Variants in ADAMTSL3 observed in about 807,000 individuals in gnomAD.
ADAMTSL3 encodes the protein ADAMTS-like protein 3.
ADAMTSL3 carries 128 observed loss-of-function variants against 201.7 expected under a neutral mutation model. The observed-to-expected ratio is 0.63, with a 90% CI of 0.55 to 0.73. ADAMTSL3 has a LOEUF of 0.73. Ranked by LOEUF, ADAMTSL3 falls within the 30% of genes least tolerant of loss-of-function variation. ADAMTSL3 has a pLI of 0.00. For synonymous variants in ADAMTSL3, 738 were observed against 748.4 expected (o/e 0.99, Z 0.23); for missense variants, 1,990 against 2,119.6 (o/e 0.94, Z 1.20).
At chr15:83,808,271 A>C (rs1206940721) in intron 5 of ADAMTSL3, among the ~76,000 whole-genome samples, 1 of 152,212 alleles carries the variant, frequency 6.6e-6, no homozygotes, top group Non-Finnish European at 1.5e-5. Context: ...GAATTCAAAC[A>C]ACTCAATAGC....
Position 83,892,665 on chromosome 15 carries a change from T to G in ADAMTSL3, c.1263-19T>G, listed in dbSNP as rs756807195. 2 of 1,590,326 alleles carry G rather than the reference T, an allele frequency of 1.3e-6. No homozygotes were observed. The highest frequency in any genetic ancestry group is 1.7e-5 in the Admixed American group (1 of 57,434). On this transcript the variant is annotated intron_variant, in intron 12 of 29. Coordinates refer to ENST00000286744, the MANE Select transcript of ADAMTSL3 (RefSeq NM_207517.3). Reference sequence around the variant, plus strand: ...CAAACAACAAATAAATAATATAATTTTATTTGTTTGCTTTTGAGCTGGGAA... The same window carrying G: ...CAAACAACAAATAAATAATATAATTGTATTTGTTTGCTTTTGAGCTGGGAA...
chr15:83,696,872 T>G (rs2061694370), intron 2 of ADAMTSL3, among the ~76,000 whole-genome samples: 1 of 152,094 alleles, frequency 6.6e-6, no homozygotes, highest in Non-Finnish European at 1.5e-5. Flanking sequence ...AGATGCCAAA[T>G]CTAAAGAGAA....
intron 2 of ADAMTSL3, among the ~76,000 whole-genome samples, chr15:83,692,351 C>A (rs1199356538): frequency 6.6e-6 from 1 of 151,822 alleles, no homozygotes; most frequent in East Asian, 1.9e-4. Flanking sequence ...AACAAAGACA[C>A]CCTGACTCTA....
chr15:83,696,738 T>G (rs1431585355), intron 2 of ADAMTSL3, among the ~76,000 whole-genome samples: 1 of 152,190 alleles, frequency 6.6e-6, no homozygotes, highest in Non-Finnish European at 1.5e-5. Context: ...CTATTCCTGT[T>G]CAGTGTTTGT....
intron 5 of ADAMTSL3, among the ~76,000 whole-genome samples, chr15:83,815,143 T>G (rs2063753083): frequency 6.6e-6 from 1 of 152,200 alleles, no homozygotes; most frequent in African/African-American, 2.4e-5. Flanking sequence ...CTTCCCAGAC[T>G]GGCTACCTGC....
intron 7 of ADAMTSL3, among the ~76,000 whole-genome samples, chr15:83,845,696 TG>T (rs1295100550): frequency 2.0e-5 from 3 of 152,206 alleles, no homozygotes; most frequent in African/African-American, 7.2e-5. Flanking sequence ...GGAACTTATA[TG>T]AAGCAATTTT....
At chr15:83,851,503 A>C (rs2064612515) in intron 7 of ADAMTSL3, among the ~76,000 whole-genome samples, 1 of 152,228 alleles carries the variant, frequency 6.6e-6, no homozygotes, top group East Asian at 1.9e-4. Context: ...TACATTCACA[A>C]AGATTTTGCA....
chr15:83,849,327 A>G (rs1040114141), intron 7 of ADAMTSL3, among the ~76,000 whole-genome samples: 11 of 152,046 alleles, frequency 7.2e-5, no homozygotes, highest in African/African-American at 2.7e-4. Context: ...AGGTCTCACT[A>G]TGTTGCCCAG....
chr15:83,828,152 T>C (rs1438141471), intron 6 of ADAMTSL3, among the ~76,000 whole-genome samples: 1 of 152,196 alleles, frequency 6.6e-6, no homozygotes, highest in African/African-American at 2.4e-5. Context: ...ATTCTTCCTA[T>C]CCATGAGCAT....
In ADAMTSL3 at chr15:83,988,628, C is replaced by CAA. The variant is rs1446127940; in HGVS notation, c.3717-62_3717-61insAA. ...GGTGCAGTCTTCTTTCTCTGCAACTCACTGTAGCCCTAGGTCAGTTAAATT... is the reference window on the plus strand; with the variant it reads ...GGTGCAGTCTTCTTTCTCTGCAACTCAAACTGTAGCCCTAGGTCAGTTAAATT... On this transcript the variant is annotated intron_variant, in intron 21 of 29. Transcript: ENST00000286744. The CAA allele has an allele frequency of 2.9e-6, 4 of 1,396,276 alleles. No individual in the cohort carries two copies. The East Asian group carries it at 1.0e-4, about 35-fold the overall frequency. 86.5% of individuals were successfully genotyped at this position (1,396,276 alleles called of 1,614,324 possible). A position where few individuals can be genotyped will look rare whatever the true frequency, so the allele number is the denominator to read the frequency against.
At chr15:84,013,843 C>A (rs903828450) in intron 23 of ADAMTSL3, among the ~76,000 whole-genome samples, 1 of 152,156 alleles carries the variant, frequency 6.6e-6, no homozygotes, top group African/African-American at 2.4e-5. Context: ...ATTCCAAAGC[C>A]CAGCAAAATG....
At chr15:83,791,547 T>A (rs1249759332) in intron 4 of ADAMTSL3, among the ~76,000 whole-genome samples, 1 of 152,108 alleles carries the variant, frequency 6.6e-6, no homozygotes, top group Admixed American at 6.5e-5. Flanking sequence ...AGAATGAAAT[T>A]ATTTCATACC....
At chr15:83,910,781 T>C (rs2095126722) in intron 15 of ADAMTSL3, among the ~76,000 whole-genome samples, 1 of 151,684 alleles carries the variant, frequency 6.6e-6, no homozygotes, top group Non-Finnish European at 1.5e-5. Context: ...ATTACAGGCA[T>C]GCACCACCAT....
At chr15:83,787,308 A>G (rs2063280329) in intron 4 of ADAMTSL3, among the ~76,000 whole-genome samples, 5 of 152,182 alleles carry the variant, frequency 3.3e-5, no homozygotes, top group African/African-American at 4.8e-5. Flanking sequence ...TCATCTCTTT[A>G]TGCTGTGCCC....
At chr15:83,833,989 C>T (rs1025418420) in intron 6 of ADAMTSL3, among the ~76,000 whole-genome samples, 3 of 152,158 alleles carry the variant, frequency 2.0e-5, no homozygotes, top group African/African-American at 7.2e-5. Context: ...GTGCTTTATC[C>T]ATTAATGGTT....
In ADAMTSL3 at chr15:83,950,584, C is replaced by T. The variant is rs1165374378; in HGVS notation, c.2490+7502C>T. Among the ~76,000 whole-genome samples, 5 of 151,840 alleles carry T rather than the reference C, an allele frequency of 3.3e-5. No homozygotes were observed. The East Asian group carries it at 7.7e-4, about 23-fold the overall frequency. ...TAGGGATTGCATTGAATCTGTAGAT[C>T]GCTTTGGGTAGTATGGACATTGCAA... is the stretch of plus-strand genomic sequence containing the variant. On this transcript the variant is annotated intron_variant, in intron 19 of 29. Transcript: ENST00000286744.
Position 83,982,438 on chromosome 15 carries a change from G to T in ADAMTSL3, c.2810G>T (p.Arg937Leu). The T allele has an allele frequency of 3.7e-6, 6 of 1,614,136 alleles. No homozygotes were observed. Among genetic ancestry groups the T allele is most frequent in the Non-Finnish European group, 4.2e-6 (5 of 1,180,026 alleles). The change falls in exon 21 of 30, where the codon CGA (arginine) becomes CTA (leucine). Residue 937 changes from arginine to leucine, a missense_variant. By Grantham distance (102) the Arg-to-Leu change is moderately radical. Transcript: ENST00000286744. ...TCCGTGATTATTAAGTGCCCCGTGC[G>T]ACGATTCCAGAAATCTCTGATCCAG... Reference protein sequence around the residue: ...NTSVIIKCPVRRFQKSLIQWE... With the variant: ...NTSVIIKCPVLRFQKSLIQWE...
intron 19 of ADAMTSL3, among the ~76,000 whole-genome samples, chr15:83,960,657 T>G (rs1346273786): frequency 1.3e-5 from 2 of 152,136 alleles, no homozygotes; most frequent in Non-Finnish European, 2.9e-5. Flanking sequence ...AATTGTTGGA[T>G]TATTACACAG....
chr15:83,993,334 G>T (rs1258868070), intron 23 of ADAMTSL3, among the ~76,000 whole-genome samples: 1 of 152,154 alleles, frequency 6.6e-6, no homozygotes, highest in Non-Finnish European at 1.5e-5. Flanking sequence ...AGAGACTGTG[G>T]TTATCATCCA....
Sources: allele counts gnomAD v4.1 joint callset (sites outside exome capture counted in the v4.1 genomes callset), GRCh38; gene constraint gnomAD v4.1.1; transcripts MANE v1.5; gene names NCBI Gene and HGNC (gene_info 2026-07-23, HGNC 2026-07-21).